The following GRIN2A variants were observed in gnomAD, a reference collection of about 807,000 sequenced individuals.
GRIN2A encodes the protein glutamate receptor ionotropic, NMDA 2A.
A neutral mutation model predicts 113.4 loss-of-function variants in GRIN2A; 22 were observed. The ratio of observed to expected loss-of-function variants is 0.19; its 90% CI spans 0.14 to 0.28. GRIN2A has a LOEUF of 0.28. Ranked by LOEUF, GRIN2A falls within the 10% of genes least tolerant of loss-of-function variation. GRIN2A has a pLI of 1.00. For synonymous variants in GRIN2A, 827 were observed against 738.4 expected, an observed-to-expected ratio of 1.12 and a Z score of -1.94; for missense variants, 1,502 against 1,887.0, an observed-to-expected ratio of 0.80 and a Z score of 3.78.
At chr16:9,862,174 T>C (rs2043080463) in intron 4 of GRIN2A, among the ~76,000 whole-genome samples, 1 of 152,206 alleles carries the variant, frequency 6.6e-6, no homozygotes, top group Non-Finnish European at 1.5e-5. Flanking sequence ...AAGATGGAAA[T>C]CTTTCTTCTT....
Position 10,087,772 on chromosome 16 carries a change from C to T in GRIN2A, c.414+92226G>A, listed in dbSNP as rs1192063999. On this transcript the variant is annotated intron_variant, in intron 2 of 12. Coordinates refer to ENST00000330684, the MANE Select transcript of GRIN2A (RefSeq NM_001134407.3). ...TAGCATGATCTCAGCTCATTGCAGC[C>T]TCCATCGGGGCTCAAGTGATCCTCC... is the stretch of plus-strand genomic sequence containing the variant. Among the ~76,000 whole-genome samples the T allele has an allele frequency of 2.0e-5, 3 of 152,152 alleles. No homozygotes were observed. In the East Asian group the frequency reaches 5.8e-4, roughly 29 times the overall value.
chr16:10,139,454 T>C lies in GRIN2A; in HGVS notation c.414+40544A>G, dbSNP rs372690145. On this transcript the variant is annotated intron_variant, in intron 2 of 12. Coordinates refer to ENST00000330684, the MANE Select transcript of GRIN2A (RefSeq NM_001134407.3). ...AAAGCCAATTAAAAACAAAAGCCAATCTGCTTCCATTGTTAAAATCCAGAT... is the reference window on the plus strand; with the variant it reads ...AAAGCCAATTAAAAACAAAAGCCAACCTGCTTCCATTGTTAAAATCCAGAT... Among the ~76,000 whole-genome samples the C allele has an allele frequency of 1.2e-4, 18 of 152,288 alleles. No homozygotes were observed. The East Asian group carries it at 2.5e-3, about 21-fold the overall frequency.
intron 4 of GRIN2A, among the ~76,000 whole-genome samples, chr16:9,853,090 G>A (rs367797948): frequency 1.3e-5 from 2 of 152,320 alleles, no homozygotes; most frequent in Non-Finnish European, 1.5e-5. Flanking sequence ...CCCTGAGGAG[G>A]TGACACTTAA....
intron 2 of GRIN2A, among the ~76,000 whole-genome samples, chr16:10,160,106 G>C (rs551799185): frequency 6.6e-6 from 1 of 152,234 alleles, no homozygotes; most frequent in East Asian, 1.9e-4. Flanking sequence ...GAGGGTAAAA[G>C]TGCGTTTCCT....
intron 2 of GRIN2A, among the ~76,000 whole-genome samples, chr16:10,092,663 C>A (rs2048203002): frequency 6.6e-6 from 1 of 151,968 alleles, no homozygotes; most frequent in Non-Finnish European, 1.5e-5. Context: ...CTATTTTATC[C>A]CTTTTAACAA....
intron 3 of GRIN2A, among the ~76,000 whole-genome samples, chr16:9,915,061 C>G (rs1421037637): frequency 6.7e-6 from 1 of 150,120 alleles, no homozygotes; most frequent in African/African-American, 2.5e-5. Context: ...CTCAGCCTCC[C>G]TAGTAGCTGG....
chr16:9,942,656 T>C (rs980603484), intron 2 of GRIN2A, among the ~76,000 whole-genome samples: 3 of 152,162 alleles, frequency 2.0e-5, no homozygotes, highest in African/African-American at 7.2e-5. Flanking sequence ...TCCACTGACA[T>C]GCTGGTTTCA....
chr16:9,864,585 C>G (rs1358129642), intron 4 of GRIN2A, among the ~76,000 whole-genome samples: 1 of 152,164 alleles, frequency 6.6e-6, no homozygotes, highest in Non-Finnish European at 1.5e-5. Context: ...TCTAACAAGT[C>G]AAAAGCTGAT....
chr16:10,025,246 C>T (rs191771546), intron 2 of GRIN2A, among the ~76,000 whole-genome samples: 5 of 145,806 alleles, frequency 3.4e-5, no homozygotes, highest in Admixed American at 1.4e-4. Flanking sequence ...TGGGGTTTAA[C>T]GAAAGGTTTT....
rs869182389 is a variant in GRIN2A at position 9,914,905 on chromosome 16, C to CTTTTTTT, written c.1007+23047_1007+23053dup. 6.0e-5 allele frequency among the ~76,000 whole-genome samples: 2 copies of CTTTTTTT among 33,476 alleles called. 1 individual carries two copies. Among genetic ancestry groups the CTTTTTTT allele is most frequent in the Non-Finnish European group, 1.2e-4 (2 of 17,124 alleles). 22.0% of individuals were successfully genotyped at this position (33,476 alleles called of 152,430 possible). ...TATTTACAGCCTATTGATTATGCAG[C>CTTTTTTT]TTTTTTTTTTTTTTTTTTTTTTTTT... On this transcript the variant is annotated intron_variant, in intron 3 of 12. Transcript: ENST00000330684.
At chr16:10,102,164 C>T (rs1466554734) in intron 2 of GRIN2A, among the ~76,000 whole-genome samples, 8 of 152,204 alleles carry the variant, frequency 5.3e-5, no homozygotes, top group Non-Finnish European at 1.0e-4. Flanking sequence ...CCTCCAAACT[C>T]ATGTTGAAAT....
chr16:9,969,301 CT>C (rs1199566973), intron 2 of GRIN2A, among the ~76,000 whole-genome samples: 3 of 152,144 alleles, frequency 2.0e-5, no homozygotes, highest in African/African-American at 7.2e-5. Context: ...CCTGAAACAT[CT>C]TTTTCTCCTT....
chr16:10,069,551 C>T (rs2047711866), intron 2 of GRIN2A, among the ~76,000 whole-genome samples: 1 of 152,250 alleles, frequency 6.6e-6, no homozygotes. Flanking sequence ...CCAGGCAGTG[C>T]AGCTGCACAC....
intron 2 of GRIN2A, among the ~76,000 whole-genome samples, chr16:10,012,142 T>A (rs1318776852): frequency 6.6e-6 from 1 of 152,206 alleles, no homozygotes; most frequent in Non-Finnish European, 1.5e-5. Flanking sequence ...CAATCTGAAA[T>A]GTTTTCTTGA....
intron 2 of GRIN2A, among the ~76,000 whole-genome samples, chr16:10,106,899 G>A (rs1239587729): frequency 1.3e-5 from 2 of 152,132 alleles, no homozygotes; most frequent in East Asian, 1.9e-4. Flanking sequence ...TCAGCCTCCC[G>A]AGAACATGCC....
In GRIN2A at chr16:9,768,865, A is replaced by G. The variant is rs374474575; in HGVS notation, c.2581T>C (p.Phe861Leu). Residue 861 changes from phenylalanine to leucine, a missense_variant, in exon 12 of 13, where the codon TTC (phenylalanine) becomes CTC (leucine). Around this residue, in one of 7 missense-constraint regions of GRIN2A, gnomAD observed 832 missense variants for 789.7 expected, o/e 1.05. Coordinates refer to ENST00000330684, the MANE Select transcript of GRIN2A (RefSeq NM_001134407.3). ...GVCSDRPGLLFSISRGIYSCI... is the reference protein window; with the variant it reads ...GVCSDRPGLLLSISRGIYSCI... Reference sequence around the variant, plus strand: ...GGTGTACTGACCCTGCTGATGGAGAAGAGCAACCCAGGCCGGTCGGAGCAC... The same window carrying G: ...GGTGTACTGACCCTGCTGATGGAGAGGAGCAACCCAGGCCGGTCGGAGCAC... The G allele has an allele frequency of 6.2e-6, 10 of 1,613,604 alleles. No individual in the cohort carries two copies. In the African/African-American group the frequency reaches 8.0e-5, roughly 13 times the overall value.
At chr16:9,867,281 TC>T (rs2043176407) in intron 4 of GRIN2A, among the ~76,000 whole-genome samples, 2 of 152,280 alleles carry the variant, frequency 1.3e-5, no homozygotes, top group African/African-American at 4.8e-5. Context: ...TAAAAATCTT[TC>T]CTTTTTCCTA....
chr16:9,928,348 C>A (rs28654222), intron 3 of GRIN2A, among the ~76,000 whole-genome samples: 1 of 152,190 alleles, frequency 6.6e-6, no homozygotes, highest in Non-Finnish European at 1.5e-5. Flanking sequence ...TAGACAGATA[C>A]TCTTTCAGGA....
At chr16:10,055,419 C>T (rs2047440660) in intron 2 of GRIN2A, among the ~76,000 whole-genome samples, 1 of 152,000 alleles carries the variant, frequency 6.6e-6, no homozygotes, top group African/African-American at 2.4e-5. Context: ...TGAAATATTC[C>T]ACCATTGATA....
Sources: gnomAD v4.1 joint callset for allele counts (sites outside exome capture counted in the v4.1 genomes callset) on GRCh38, gnomAD v4.1.1 for gene constraint, gnomAD v4.1.1 regional missense constraint, MANE v1.5 for transcripts, NCBI Gene and HGNC (gene_info 2026-07-23, HGNC 2026-07-21) for gene names.